MAP3K2: variants seen among roughly 807,000 people sequenced by gnomAD.
MAP3K2 encodes MAP/ERK kinase kinase 2.
A neutral mutation model predicts 80.3 loss-of-function variants in MAP3K2; 24 were observed. The observed-to-expected ratio is 0.30, with a 90% CI of 0.22 to 0.42. MAP3K2 has a LOEUF of 0.42. Among genes scored for constraint, MAP3K2 ranks in the 10% least tolerant of loss-of-function variants. The probability of loss-of-function intolerance (pLI) is 1.00; values close to 1 mark genes in which losing one functional copy is unlikely to be tolerated. For synonymous variants in MAP3K2, 244 were observed against 253.7 expected, an observed-to-expected ratio of 0.96 and a Z score of 0.36; for missense variants, 608 against 750.1, an observed-to-expected ratio of 0.81 and a Z score of 2.21.
At position 127,307,307 on chromosome 2, in the gene MAP3K2, TA is replaced by T. The variant is rs1421568984; in HGVS notation, c.*271del. 1 of 209,758 alleles carries T rather than the reference TA, an allele frequency of 4.8e-6. No individual in the cohort carries two copies. Among genetic ancestry groups the T allele is most frequent in the East Asian group, 1.0e-4 (1 of 9,770 alleles). The allele number at this position is 209,758 out of a possible 1,614,324, so 13.0% of individuals were successfully genotyped here. A position where few individuals can be genotyped will look rare whatever the true frequency, so the allele number is the denominator to read the frequency against. The stretch of plus-strand genomic sequence containing the variant: ...TGTACTAAAAAGAGTGACTATGTAC[TA>T]AAGTGCTTTATCTCTCTGAACCACA... On this transcript the variant is annotated 3_prime_UTR_variant, in exon 17 of 17. Coordinates refer to ENST00000682094, the MANE Select transcript of MAP3K2 (RefSeq NM_001371910.2). This position sits in a 1 kb window ranked among gnomAD's most constrained non-coding sequence, Gnocchi z 5.4.
At chr2:127,336,907 G>T (rs1220153595) in intron 4 of MAP3K2, among the ~76,000 whole-genome samples, 3 of 152,196 alleles carry the variant, frequency 2.0e-5, no homozygotes, top group Non-Finnish European at 4.4e-5. Context: ...TTGGGAGGCC[G>T]GGGCGGGTGG....
In MAP3K2 at chr2:127,329,988, C is replaced by T; in HGVS notation, c.399G>A (p.Leu133=). 1 of 1,608,558 alleles carries T rather than the reference C, an allele frequency of 6.2e-7. No individual in the cohort carries two copies. The highest frequency in any genetic ancestry group is 8.5e-7 in the Non-Finnish European group (1 of 1,175,572). ...GSTQATNLEP[L]PSLEDLDNTV... ...TATTATCCAAATCTTCTAGTGATGG[C>T]AATGGTTCTAAATTAGTAGCCTACA... The change falls in exon 7 of 17, where the codon TTG becomes TTA. Residue 133 remains leucine (L), a synonymous_variant. Coordinates refer to ENST00000682094, the MANE Select transcript of MAP3K2 (RefSeq NM_001371910.2).
Position 127,300,118 on chromosome 2 carries a change from G to A in MAP3K2, c.*7461C>T, listed in dbSNP as rs1685562652. 1 of 151,974 alleles carries A rather than the reference G, an allele frequency of 6.6e-6. No individual in the cohort carries two copies. Among genetic ancestry groups the A allele is most frequent in the Non-Finnish European group, 1.5e-5 (1 of 67,948 alleles). 9.4% of individuals were successfully genotyped at this position (151,974 alleles called of 1,614,324 possible). On this transcript the variant is annotated 3_prime_UTR_variant, in exon 17 of 17. Coordinates refer to ENST00000682094, the MANE Select transcript of MAP3K2 (RefSeq NM_001371910.2). ...AAGTATAGTTTGTAAAAGCAAAAAG[G>A]TCCATTTAAGTCAGTAATAGCAGTG...
rs1298618284 is a variant in MAP3K2, at chr2:127,305,334, T to C, written c.*2245A>G. 2.6e-5 allele frequency: 4 copies of C among 152,244 alleles called. No individual in the cohort carries two copies. The highest frequency in any genetic ancestry group is 9.6e-5 in the African/African-American group (4 of 41,464). The allele number at this position is 152,244 out of a possible 1,614,324, so 9.4% of individuals were successfully genotyped here. ...GATCCACACACTTGGGGATTCTTTC[T>C]AGAACAAAATTTGGCAGTTGCTTTA... is the stretch of plus-strand genomic sequence containing the variant. On this transcript the variant is annotated 3_prime_UTR_variant, in exon 17 of 17. Coordinates refer to ENST00000682094, the MANE Select transcript of MAP3K2 (RefSeq NM_001371910.2).
At chr2:127,349,761 A>G (rs1284566767) in intron 1 of MAP3K2, among the ~76,000 whole-genome samples, 1 of 152,196 alleles carries the variant, frequency 6.6e-6, no homozygotes, top group African/African-American at 2.4e-5. Flanking sequence ...CTGGAATACA[A>G]AATTCTCCTA....
chr2:127,308,541 T>G lies in MAP3K2; in HGVS notation c.1634+44A>C, dbSNP rs761195003. ...TAATTCAATCCCAGGTGGAAATACA[T>G]AGGCGGCAGGTGGTTTTCAAGCAAA... On this transcript the variant is annotated intron_variant, in intron 16 of 16. Coordinates refer to ENST00000682094, the MANE Select transcript of MAP3K2 (RefSeq NM_001371910.2). 5 of 1,492,388 alleles carry G rather than the reference T, an allele frequency of 3.4e-6. No homozygotes were observed. The African/African-American group carries it at 7.0e-5, about 21-fold the overall frequency. The allele number at this position is 1,492,388 out of a possible 1,614,324, so 92.4% of individuals were successfully genotyped here.
intron 4 of MAP3K2, among the ~76,000 whole-genome samples, chr2:127,336,657 G>A (rs1686378419): frequency 6.6e-6 from 1 of 152,076 alleles, no homozygotes; most frequent in Non-Finnish European, 1.5e-5. Context: ...TGAAAAAATT[G>A]GGAAAATATC....
intron 3 of MAP3K2, among the ~76,000 whole-genome samples, chr2:127,338,648 T>C (rs112384790): frequency 6.6e-6 from 1 of 152,194 alleles, no homozygotes; most frequent in African/African-American, 2.4e-5. Context: ...TCCATGTTCC[T>C]GAAAGGACAT....
chr2:127,309,438 C>A lies in MAP3K2; in HGVS notation c.1457-676G>T, dbSNP rs191474982. On this transcript the variant is annotated intron_variant, in intron 15 of 16. Coordinates refer to ENST00000682094, the MANE Select transcript of MAP3K2 (RefSeq NM_001371910.2). ...TAGAGAGTTCCCATATACCCCCACA[C>A]CCAGCTTCTCTATTACTAATATCTT... Among the ~76,000 whole-genome samples the A allele has an allele frequency of 5.3e-5, 8 of 152,246 alleles. No individual in the cohort carries two copies. In the East Asian group the frequency reaches 1.5e-3, roughly 29 times the overall value.
At chr2:127,384,985 GAAT>G (rs1470533918) in intron 1 of MAP3K2, among the ~76,000 whole-genome samples, 1 of 152,154 alleles carries the variant, frequency 6.6e-6, no homozygotes, top group Admixed American at 6.6e-5. Context: ...AAGATGATGT[GAAT>G]ATTATTGAAG....
At chr2:127,383,319 G>A (rs901580264) in intron 1 of MAP3K2, among the ~76,000 whole-genome samples, 4 of 152,206 alleles carry the variant, frequency 2.6e-5, no homozygotes, top group African/African-American at 9.7e-5. Context: ...CAATCAACGA[G>A]TATGGGATGT....
chr2:127,325,596 G>C (rs1686117869), intron 9 of MAP3K2, 132 bp downstream of exon 9: 2 of 629,518 alleles, frequency 3.2e-6, no homozygotes, highest in Non-Finnish European at 5.6e-6. Flanking sequence ...TCAGAGGTGG[G>C]AGGACTGATG....
intron 1 of MAP3K2, among the ~76,000 whole-genome samples, chr2:127,358,407 C>T (rs1396093281): frequency 6.6e-6 from 1 of 152,104 alleles, no homozygotes; most frequent in Non-Finnish European, 1.5e-5. Flanking sequence ...CCCATATGAA[C>T]CAGTAATCAT....
At chr2:127,337,904 G>A (rs1161626815) in intron 3 of MAP3K2, 126 bp from the exon 4 acceptor site, 1 of 549,662 alleles carries the variant, frequency 1.8e-6, no homozygotes, top group African/African-American at 2.0e-5. Context: ...CAGACGAGGA[G>A]GGAATTTTGA....
chr2:127,320,332 A>G (rs1322809806), intron 12 of MAP3K2, among the ~76,000 whole-genome samples: 1 of 152,214 alleles, frequency 6.6e-6, no homozygotes, highest in Non-Finnish European at 1.5e-5. Context: ...AATGAAAAAC[A>G]ATGACAGAAG....
At position 127,299,311 on chromosome 2, in the gene MAP3K2, T is replaced by C. The variant is rs1181818283; in HGVS notation, c.*8268A>G. 6.6e-6 allele frequency: 1 copy of C among 152,238 alleles called. No homozygotes were observed. Among genetic ancestry groups the C allele is most frequent in the Non-Finnish European group, 1.5e-5 (1 of 68,026 alleles). The allele number at this position is 152,238 out of a possible 1,614,324, so 9.4% of individuals were successfully genotyped here. A position where few individuals can be genotyped will look rare whatever the true frequency, so the allele number is the denominator to read the frequency against. ...GTTACTTAAAACACACAGTACAATA[T>C]AAAGACACACAACGTATGTTTGGAC... On this transcript the variant is annotated 3_prime_UTR_variant, in exon 17 of 17. Coordinates refer to ENST00000682094, the MANE Select transcript of MAP3K2 (RefSeq NM_001371910.2).
rs892010212 is a variant in MAP3K2, at chr2:127,307,412, A to ATAT, written c.*164_*166dup. 1 of 423,508 alleles carries ATAT rather than the reference A, an allele frequency of 2.4e-6. No individual in the cohort carries two copies. Among genetic ancestry groups the ATAT allele is most frequent in the Non-Finnish European group, 4.2e-6 (1 of 239,944 alleles). The allele number at this position is 423,508 out of a possible 1,614,324, so 26.2% of individuals were successfully genotyped here. On this transcript the variant is annotated 3_prime_UTR_variant, in exon 17 of 17. Coordinates refer to ENST00000682094, the MANE Select transcript of MAP3K2 (RefSeq NM_001371910.2). The surrounding 1 kb of genome is among the most constrained non-coding windows in gnomAD (Gnocchi z 5.4). ...AAAGATTAAATATAAAAAATTTAGG[A>ATAT]TATTATTATTATTAAACAAATTTAA...
Position 127,335,918 on chromosome 2 carries a change from A to G in MAP3K2, c.216T>C (p.Ala72=). ...CCATAGACTGTCCAAAGGCAATTTT[A>G]GCTTTAGATCTCAGATCTTCCAGTT... ...PVKLEDLRSK[A]KIAFGQSMDL... Residue 72 remains alanine, a synonymous_variant, in exon 5 of 17, where the codon GCT becomes GCC. Coordinates refer to ENST00000682094, the MANE Select transcript of MAP3K2 (RefSeq NM_001371910.2). 1.3e-6 allele frequency: 2 copies of G among 1,576,792 alleles called. No individual in the cohort carries two copies. The highest frequency in any genetic ancestry group is 1.7e-6 in the Non-Finnish European group (2 of 1,158,364).
intron 1 of MAP3K2, among the ~76,000 whole-genome samples, chr2:127,345,325 A>T (rs892098334): frequency 6.6e-6 from 1 of 152,260 alleles, no homozygotes. Context: ...CATCAAAAAG[A>T]TATAGCAATT....
Sources: allele counts gnomAD v4.1 joint callset (sites outside exome capture counted in the v4.1 genomes callset), GRCh38; gene constraint gnomAD v4.1.1; non-coding constraint Gnocchi (gnomAD v3.1); transcripts MANE v1.5; gene names NCBI Gene and HGNC (gene_info 2026-07-23, HGNC 2026-07-21).